The following TBC1D2B variants were observed in gnomAD, a reference collection of about 807,000 sequenced individuals.
The protein encoded by TBC1D2B is TBC1 domain family member 2B, also known as TBC1 domain family, member 2B.
In TBC1D2B, 64 loss-of-function variants were observed where a neutral mutation model predicts 100.8. The ratio of observed to expected loss-of-function variants is 0.64; its 90% CI spans 0.52 to 0.78. TBC1D2B has a LOEUF of 0.78. Among genes scored for constraint, TBC1D2B ranks in the 30% least tolerant of loss-of-function variants. TBC1D2B has a pLI of 0.00. For missense variants in TBC1D2B, 1,052 were observed against 1,218.4 expected, an observed-to-expected ratio of 0.86 and a Z score of 2.03; for synonymous variants, 480 against 479.7, an observed-to-expected ratio of 1.00 and a Z score of -0.01.
At position 78,056,668 on chromosome 15, in the gene TBC1D2B, A is replaced by G. The variant is rs1295832158; in HGVS notation, c.361-2481T>C. Among the ~76,000 whole-genome samples, 6 of 149,624 alleles carry G rather than the reference A, an allele frequency of 4.0e-5. No homozygotes were observed. In the East Asian group the frequency reaches 7.8e-4, roughly 19 times the overall value. ...AACCAGAGCCAAATTCAGAGCCCAA[A>G]GCCCACCCAGTCCTCCTCTTTTTTT... On this transcript the variant is annotated intron_variant, in intron 1 of 12. Coordinates refer to ENST00000300584, the MANE Select transcript of TBC1D2B (RefSeq NM_144572.2).
chr15:77,998,400 G>C (rs756333701), intron 12 of TBC1D2B, 45 bp from the exon 13 acceptor site: 38 of 1,513,194 alleles, frequency 2.5e-5, no homozygotes, highest in Admixed American at 1.0e-4. Flanking sequence ...CGGCGCTCCA[G>C]AGAGTGCTCA....
At chr15:78,036,734 T>C (rs2072953909) in intron 3 of TBC1D2B, among the ~76,000 whole-genome samples, 1 of 152,222 alleles carries the variant, frequency 6.6e-6, no homozygotes, top group South Asian at 2.1e-4. Context: ...GGTGCTGTTT[T>C]AAGCCACCAG....
chr15:78,011,901 C>A (rs1240706657), intron 9 of TBC1D2B, among the ~76,000 whole-genome samples: 1 of 152,058 alleles, frequency 6.6e-6, no homozygotes, highest in South Asian at 2.1e-4. Context: ...CCTGCCTCGA[C>A]CTCCCAAAGT....
intron 3 of TBC1D2B, chr15:78,034,441 C>T: frequency 1.0e-6 from 1 of 966,404 alleles, no homozygotes; most frequent in Non-Finnish European, 1.2e-6. Flanking sequence ...GTGACTACCA[C>T]CACCGTCAAT....
intron 3 of TBC1D2B, among the ~76,000 whole-genome samples, chr15:78,043,952 C>T (rs1236049335): frequency 6.6e-6 from 1 of 150,822 alleles, no homozygotes; most frequent in African/African-American, 2.4e-5. Context: ...AGGATTGCTT[C>T]GTTCAAGGCT....
At chr15:77,999,601 C>T (rs1344583060) in intron 12 of TBC1D2B, among the ~76,000 whole-genome samples, 1 of 152,196 alleles carries the variant, frequency 6.6e-6, no homozygotes, top group Non-Finnish European at 1.5e-5. Flanking sequence ...CGGGAGGAGG[C>T]TCCGTGTGAA....
intron 1 of TBC1D2B, among the ~76,000 whole-genome samples, chr15:78,076,450 T>C (rs2073830242): frequency 1.3e-5 from 2 of 152,204 alleles, no homozygotes; most frequent in South Asian, 4.1e-4. Flanking sequence ...TCTGACTCTT[T>C]CTGTCTACAG....
chr15:78,012,274 G>A (rs936611348), intron 9 of TBC1D2B, among the ~76,000 whole-genome samples: 6 of 152,180 alleles, frequency 3.9e-5, no homozygotes, highest in Non-Finnish European at 8.8e-5. Flanking sequence ...CACAGCTCAG[G>A]AGGATGAGCC....
intron 3 of TBC1D2B, among the ~76,000 whole-genome samples, chr15:78,038,324 C>T (rs13329302): frequency 0.051 from 7,796 of 152,238 alleles, 399 homozygotes; most frequent in African/African-American, 0.12. Context: ...AGGAGAAGCA[C>T]GGCAGTGAGG....
chr15:78,028,639 T>C (rs932682356), intron 4 of TBC1D2B, among the ~76,000 whole-genome samples: 7 of 152,256 alleles, frequency 4.6e-5, no homozygotes, highest in Middle Eastern at 6.8e-3. Flanking sequence ...TGCGATACGA[T>C]AGGAAGCACG....
At chr15:78,004,734 C>G (rs2072021276) in intron 10 of TBC1D2B, among the ~76,000 whole-genome samples, 3 of 152,086 alleles carry the variant, frequency 2.0e-5, no homozygotes, top group Non-Finnish European at 4.4e-5. Flanking sequence ...CCTACTAAAC[C>G]AATTTCTCTA....
At position 77,995,071 on chromosome 15, in the gene TBC1D2B, A is replaced by G. The variant is rs1170557179; in HGVS notation, c.*3089T>C. On this transcript the variant is annotated 3_prime_UTR_variant, in exon 13 of 13. Coordinates refer to ENST00000300584, the MANE Select transcript of TBC1D2B (RefSeq NM_144572.2). ...AGGTCAGCACAGGAGCTGCTGTGAT[A>G]TAAAAGGAGAGAGTCACCTGGCGCC... 6.6e-6 allele frequency: 1 copy of G among 152,260 alleles called. No individual in the cohort carries two copies. Among genetic ancestry groups the G allele is most frequent in the Non-Finnish European group, 1.5e-5 (1 of 68,044 alleles). The allele number at this position is 152,260 out of a possible 1,614,324, so 9.4% of individuals were successfully genotyped here.
chr15:78,075,887 G>T (rs979017719), intron 1 of TBC1D2B, among the ~76,000 whole-genome samples: 1 of 151,996 alleles, frequency 6.6e-6, no homozygotes, highest in African/African-American at 2.4e-5. Context: ...GGGGTCTGAG[G>T]AACAGTCCTC....
In TBC1D2B at chr15:78,013,336, G is replaced by A. The variant is rs759700114; in HGVS notation, c.1776-19C>T. On this transcript the variant is annotated intron_variant, in intron 8 of 12. Transcript: ENST00000300584. ...ATATTCACTGTTGATAAAAACAAAAGGAAAAATTAAAATGACAAAGTTTTA... is the reference window on the plus strand; with the variant it reads ...ATATTCACTGTTGATAAAAACAAAAAGAAAAATTAAAATGACAAAGTTTTA... The A allele has an allele frequency of 1.3e-6, 2 of 1,550,816 alleles. No individual in the cohort carries two copies. The highest frequency in any genetic ancestry group is 1.2e-5 in the South Asian group (1 of 83,148).
Position 78,013,056 on chromosome 15 carries a change from G to T in TBC1D2B, c.2037C>A (p.His679Gln). Residue 679 changes from histidine to glutamine, a missense_variant, in exon 9 of 13, where the codon CAC becomes CAA. Physicochemically the swap from His to Gln is conservative, Grantham distance 24. Coordinates refer to ENST00000300584, the MANE Select transcript of TBC1D2B (RefSeq NM_144572.2). ...CAGTGTTGTCCTTGAACTTCCTGGT[G>T]TGACGGTCCACACACCACTTCCACA... is the stretch of plus-strand genomic sequence containing the variant. ...SKVWKWCVDR[H>Q]TRKFKDNTEP... 1.2e-6 allele frequency: 2 copies of T among 1,614,016 alleles called. No homozygotes were observed. Among genetic ancestry groups the T allele is most frequent in the Non-Finnish European group, 1.7e-6 (2 of 1,179,902 alleles).
intron 1 of TBC1D2B, among the ~76,000 whole-genome samples, chr15:78,069,189 C>T (rs1230536436): frequency 2.0e-5 from 3 of 152,166 alleles, no homozygotes; most frequent in Non-Finnish European, 4.4e-5. Flanking sequence ...CTCAAGAAAT[C>T]GTCATCTCCA....
intron 1 of TBC1D2B, among the ~76,000 whole-genome samples, chr15:78,060,940 T>A (rs1476850221): frequency 6.6e-6 from 1 of 151,036 alleles, no homozygotes; most frequent in African/African-American, 2.4e-5. Flanking sequence ...GAAGACCCTG[T>A]CTCTTTAAAA....
rs568848920 is a variant in TBC1D2B at position 78,063,990 on chromosome 15, A to G, written c.361-9803T>C. Among the ~76,000 whole-genome samples the G allele has an allele frequency of 3.3e-5, 5 of 152,240 alleles. No homozygotes were observed. The East Asian group carries it at 9.7e-4, about 29-fold the overall frequency. On this transcript the variant is annotated intron_variant, in intron 1 of 12. Coordinates refer to ENST00000300584, the MANE Select transcript of TBC1D2B (RefSeq NM_144572.2). ...CTCTCCAAACTCTCTTCTGACACCA[A>G]GCCAATGAAGTCATATATGTCGCAT...
intron 2 of TBC1D2B, among the ~76,000 whole-genome samples, chr15:78,045,558 AG>A (rs55804953): frequency 0.24 from 36,229 of 152,212 alleles, 5,529 homozygotes; most frequent in East Asian, 0.58. Flanking sequence ...GAAAAAATAA[AG>A]TTTGCACATC....
Sources: gnomAD v4.1 joint callset for allele counts (sites outside exome capture counted in the v4.1 genomes callset) on GRCh38, gnomAD v4.1.1 for gene constraint, MANE v1.5 for transcripts, NCBI Gene and HGNC (gene_info 2026-07-23, HGNC 2026-07-21) for gene names.